SRPK2: variants seen among roughly 807,000 people sequenced by gnomAD.
SRPK2 encodes the protein SFRS protein kinase 2.
SRPK2 carries 21 observed loss-of-function variants against 90.8 expected under a neutral mutation model. That is an observed-to-expected ratio of 0.23 (90% CI 0.16 to 0.33). The LOEUF is 0.33. Among genes scored for constraint, SRPK2 ranks in the 10% least tolerant of loss-of-function variants. The pLI, the probability that SRPK2 is intolerant of heterozygous loss-of-function variation, is 1.00. For synonymous variants in SRPK2, 288 were observed against 311.1 expected (o/e 0.93, Z 0.78); for missense variants, 620 against 869.0 (o/e 0.71, Z 3.60).
chr7:105,381,063 C>T (rs573393384), intron 2 of SRPK2, among the ~76,000 whole-genome samples: 2 of 150,668 alleles, frequency 1.3e-5, no homozygotes, highest in South Asian at 4.2e-4. Flanking sequence ...CCAGGAGTTC[C>T]TGACCAGGCT....
At chr7:105,381,308 G>A (rs1311780939) in intron 2 of SRPK2, among the ~76,000 whole-genome samples, 1 of 152,074 alleles carries the variant, frequency 6.6e-6, no homozygotes, top group East Asian at 1.9e-4. Context: ...CAGGCGCAGT[G>A]GCTCAAGCCT....
intron 8 of SRPK2, 140 bp downstream of exon 8, chr7:105,146,353 A>C (rs1804628878): frequency 1.4e-6 from 1 of 728,660 alleles, no homozygotes; most frequent in Non-Finnish European, 2.2e-6. Flanking sequence ...TTCCATTTCA[A>C]GGGTGCAGTT....
At chr7:105,358,244 A>C (rs79122541) in intron 2 of SRPK2, among the ~76,000 whole-genome samples, 6 of 150,788 alleles carry the variant, frequency 4.0e-5, no homozygotes, top group Non-Finnish European at 8.9e-5. Context: ...AAAAAAAAAA[A>C]ACACCCCACG....
chr7:105,213,008 A>G (rs559168982), intron 2 of SRPK2, among the ~76,000 whole-genome samples: 1 of 152,224 alleles, frequency 6.6e-6, no homozygotes, highest in Admixed American at 6.5e-5. Flanking sequence ...ATATAGGAGC[A>G]TGTGCACAGG....
At chr7:105,212,591 A>G (rs1350133644) in intron 2 of SRPK2, among the ~76,000 whole-genome samples, 1 of 152,232 alleles carries the variant, frequency 6.6e-6, no homozygotes, top group Non-Finnish European at 1.5e-5. Flanking sequence ...CAATGCTAAG[A>G]AGCTTGGGCT....
chr7:105,231,157 G>A (rs973584406), intron 2 of SRPK2, among the ~76,000 whole-genome samples: 20 of 152,098 alleles, frequency 1.3e-4, no homozygotes, highest in African/African-American at 3.4e-4. Flanking sequence ...ATCACTCAGC[G>A]CCCCCTTATA....
At chr7:105,321,974 C>T (rs1332359799) in intron 2 of SRPK2, among the ~76,000 whole-genome samples, 1 of 152,166 alleles carries the variant, frequency 6.6e-6, no homozygotes, top group Non-Finnish European at 1.5e-5. Context: ...AAAACTAGTA[C>T]TTCAAATAAT....
intron 2 of SRPK2, among the ~76,000 whole-genome samples, chr7:105,279,482 C>A (rs1179798155): frequency 6.6e-6 from 1 of 152,134 alleles, no homozygotes; most frequent in Admixed American, 6.5e-5. Flanking sequence ...AAAGTGGGAT[C>A]CCTATTCCCC....
At chr7:105,292,180 G>A (rs1809120511) in intron 2 of SRPK2, among the ~76,000 whole-genome samples, 1 of 152,122 alleles carries the variant, frequency 6.6e-6, no homozygotes, top group African/African-American at 2.4e-5. Flanking sequence ...CTTTATTTAA[G>A]CCATCCTAAA....
At chr7:105,224,611 A>AAAT (rs774647198) in intron 2 of SRPK2, among the ~76,000 whole-genome samples, 7 of 152,200 alleles carry the variant, frequency 4.6e-5, no homozygotes, top group East Asian at 1.9e-4. Flanking sequence ...CTCTGTCTAA[A>AAAT]AATAATAATA....
At chr7:105,340,537 A>T (rs1316827892) in intron 2 of SRPK2, among the ~76,000 whole-genome samples, 1 of 151,520 alleles carries the variant, frequency 6.6e-6, no homozygotes. Context: ...CCAAGCTCCC[A>T]AGTAGGTGGG....
intron 2 of SRPK2, among the ~76,000 whole-genome samples, chr7:105,288,909 T>C (rs1808550395): frequency 6.6e-6 from 1 of 152,032 alleles, no homozygotes; most frequent in African/African-American, 2.4e-5. Flanking sequence ...AAGAGGTAAG[T>C]ATAAAATCTC....
chr7:105,177,887 G>A (rs1792187307), intron 3 of SRPK2, among the ~76,000 whole-genome samples: 1 of 152,034 alleles, frequency 6.6e-6, no homozygotes, highest in South Asian at 2.1e-4. Context: ...TAGCCAGGTG[G>A]GCATAGTGGC....
chr7:105,263,750 A>AAAAC (rs1336953776), intron 2 of SRPK2, among the ~76,000 whole-genome samples: 6 of 152,118 alleles, frequency 3.9e-5, no homozygotes, highest in African/African-American at 1.4e-4. Context: ...ACACACACAC[A>AAAAC]AAACAAACAA....
At chr7:105,392,974 G>A (rs1366905587), upstream of SRPK2, among the ~76,000 whole-genome samples, 11 of 149,976 alleles carry the variant, frequency 7.3e-5, no homozygotes, top group Admixed American at 4.7e-4. Context: ...CACCACACCC[G>A]GCTAATTTTT....
At chr7:105,267,769 A>AT (rs34026315) in intron 2 of SRPK2, among the ~76,000 whole-genome samples, 124 of 151,868 alleles carry the variant, frequency 8.2e-4, no homozygotes, top group Non-Finnish European at 1.4e-3. Context: ...TCTTCAACTC[A>AT]TTTTTTTTGT....
intron 2 of SRPK2, among the ~76,000 whole-genome samples, chr7:105,207,144 A>C (rs752154416): frequency 1.5e-4 from 23 of 152,142 alleles, no homozygotes; most frequent in Non-Finnish European, 2.6e-4. Context: ...GGATTATTTT[A>C]TTTTCATTTT....
chr7:105,238,687 A>G (rs1017765504), intron 2 of SRPK2, among the ~76,000 whole-genome samples: 4 of 152,258 alleles, frequency 2.6e-5, no homozygotes, highest in Admixed American at 6.5e-5. Context: ...AGCCTGAATG[A>G]CAAGCTTCAC....
At chr7:105,348,839 A>G (rs963616052) in intron 2 of SRPK2, among the ~76,000 whole-genome samples, 1 of 152,116 alleles carries the variant, frequency 6.6e-6, no homozygotes, top group Non-Finnish European at 1.5e-5. Context: ...CAGAAAATAA[A>G]AAATAAAAAA....
Sources: gnomAD v4.1 joint callset for allele counts (sites outside exome capture counted in the v4.1 genomes callset) on GRCh38, gnomAD v4.1.1 for gene constraint, MANE v1.5 for transcripts, NCBI Gene and HGNC (gene_info 2026-07-23, HGNC 2026-07-21) for gene names.